Variants in TANGO6 observed in about 807,000 individuals in gnomAD.
TANGO6 encodes transport and golgi organization 6 homolog, also known as transport and Golgi organization protein 6 homolog.
A neutral mutation model predicts 114.2 loss-of-function variants in TANGO6; 90 were observed. The ratio of observed to expected loss-of-function variants is 0.79; its 90% CI spans 0.66 to 0.94. The LOEUF is 0.94. Ranked by LOEUF, TANGO6 falls within the 40% of genes least tolerant of loss-of-function variation. TANGO6 has a pLI of 0.00. For synonymous variants in TANGO6, 477 were observed against 509.8 expected, an observed-to-expected ratio of 0.94 and a Z score of 0.87; for missense variants, 1,274 against 1,315.3, an observed-to-expected ratio of 0.97 and a Z score of 0.49.
chr16:69,063,662 A>AC (rs1336430485), intron 17 of TANGO6, among the ~76,000 whole-genome samples: 1 of 149,218 alleles, frequency 6.7e-6, no homozygotes, highest in Non-Finnish European at 1.5e-5. Context: ...AAAAAAAAAA[A>AC]AAAAAAAACA....
intron 17 of TANGO6, among the ~76,000 whole-genome samples, chr16:69,062,154 G>A (rs1310581004): frequency 1.3e-5 from 2 of 152,128 alleles, no homozygotes; most frequent in African/African-American, 4.8e-5. Context: ...TAATTTGTGG[G>A]TCAAAACTTA....
At chr16:68,965,173 T>C (rs577552283) in intron 14 of TANGO6, among the ~76,000 whole-genome samples, 2 of 152,192 alleles carry the variant, frequency 1.3e-5, no homozygotes, top group East Asian at 3.9e-4. Flanking sequence ...TTTTTTTTAT[T>C]TTTTGAGATG....
intron 17 of TANGO6, among the ~76,000 whole-genome samples, chr16:69,074,243 C>G (rs1475959688): frequency 2.0e-5 from 3 of 151,716 alleles, no homozygotes; most frequent in East Asian, 3.9e-4. Flanking sequence ...ATAACAACAA[C>G]AAGAAGAAAG....
At chr16:68,896,222 G>C (rs1238129498) in intron 7 of TANGO6, among the ~76,000 whole-genome samples, 1 of 152,146 alleles carries the variant, frequency 6.6e-6, no homozygotes, top group African/African-American at 2.4e-5. Flanking sequence ...GGCCAGGCTG[G>C]TCTCAAACTC....
Position 69,083,654 on chromosome 16 carries a change from T to C in TANGO6, c.3278T>C (p.Leu1093Pro), listed in dbSNP as rs1960499319. 2 of 1,558,442 alleles carry C rather than the reference T, an allele frequency of 1.3e-6. No homozygotes were observed. Among genetic ancestry groups the C allele is most frequent in the East Asian group, 2.4e-5 (1 of 41,510 alleles). ...PQKLEKKIMV[L>P]P Reference sequence around the variant, plus strand: ...AAGCTGGAGAAGAAGATCATGGTCCTGCCGTAGACCTGGCTCCAAGGACGT... The same window carrying C: ...AAGCTGGAGAAGAAGATCATGGTCCCGCCGTAGACCTGGCTCCAAGGACGT... Residue 1093 changes from leucine (L) to proline (P), a missense_variant, in exon 18 of 18, where the codon CTG (leucine) becomes CCG (proline). Physicochemically the swap from Leu to Pro is moderately conservative, Grantham distance 98 (BLOSUM62 -3). Around this residue, in one of 5 missense-constraint regions of TANGO6, gnomAD observed 238 missense variants for 252.9 expected, o/e 0.94. Transcript: ENST00000261778.
At chr16:69,053,207 A>G (rs1959980934) in intron 17 of TANGO6, among the ~76,000 whole-genome samples, 1 of 152,150 alleles carries the variant, frequency 6.6e-6, no homozygotes, top group Admixed American at 6.6e-5. Flanking sequence ...TAAAAGCTCA[A>G]TATGTATTCA....
Position 68,907,439 on chromosome 16 carries a change from G to A in TANGO6, c.1668-4G>A. ...ACCAAGATAAATTTTACCCTGCATT[G>A]CAGTGATGAAGATGAAGATGAAGCC... On this transcript the variant is annotated splice_region_variant and splice_polypyrimidine_tract_variant and intron_variant, in intron 9 of 17. Coordinates refer to ENST00000261778, the MANE Select transcript of TANGO6 (RefSeq NM_024562.2). 1 of 1,591,416 alleles carries A rather than the reference G, an allele frequency of 6.3e-7. No homozygotes were observed. The highest frequency in any genetic ancestry group is 8.5e-7 in the Non-Finnish European group (1 of 1,172,938).
chr16:68,930,778 G>A (rs1327576466), intron 14 of TANGO6, among the ~76,000 whole-genome samples: 2 of 151,774 alleles, frequency 1.3e-5, no homozygotes, highest in Non-Finnish European at 2.9e-5. Context: ...TGGGATTACA[G>A]GTGCCCGCCA....
chr16:68,918,996 G>T, intron 11 of TANGO6, 89 bp from the exon 12 acceptor site: 1 of 1,441,212 alleles, frequency 6.9e-7, no homozygotes, highest in South Asian at 1.4e-5. Flanking sequence ...TGTAGATGAA[G>T]AAGATGAGGA....
At chr16:68,891,224 G>A (rs1354904544) in intron 7 of TANGO6, among the ~76,000 whole-genome samples, 2 of 151,264 alleles carry the variant, frequency 1.3e-5, no homozygotes, top group Admixed American at 6.6e-5. Flanking sequence ...CCTGGGAGGC[G>A]GAGGTTGCAG....
chr16:68,879,917 A>G (rs185481812), intron 6 of TANGO6, among the ~76,000 whole-genome samples: 35 of 151,192 alleles, frequency 2.3e-4, no homozygotes, highest in Non-Finnish European at 4.9e-4. Context: ...CACCTGGCCA[A>G]CTCTGCCATT....
chr16:68,968,564 C>T (rs1287875007), intron 14 of TANGO6, among the ~76,000 whole-genome samples: 2 of 151,608 alleles, frequency 1.3e-5, no homozygotes, highest in South Asian at 2.1e-4. Context: ...GGGGTTTCAC[C>T]ATGTTGGTCA....
intron 11 of TANGO6, among the ~76,000 whole-genome samples, chr16:68,911,000 C>A (rs1161867703): frequency 6.6e-6 from 1 of 152,040 alleles, no homozygotes; most frequent in Non-Finnish European, 1.5e-5. Flanking sequence ...TGTTTTGAAA[C>A]ACACACATAT....
intron 12 of TANGO6, 74 bp from the exon 13 acceptor site, chr16:68,927,494 G>A (rs889490877): frequency 3.6e-5 from 54 of 1,512,660 alleles, no homozygotes; most frequent in South Asian, 1.5e-4. Context: ...CTCAGAATAT[G>A]TTTCCTGGTG....
chr16:68,885,248 C>CT (rs1333751551), intron 7 of TANGO6, among the ~76,000 whole-genome samples: 1 of 152,116 alleles, frequency 6.6e-6, no homozygotes, highest in Non-Finnish European at 1.5e-5. Context: ...ATTTCCAGCT[C>CT]TTTTTTTCTC....
At chr16:68,944,229 G>T (rs2152202950) in intron 14 of TANGO6, among the ~76,000 whole-genome samples, 1 of 152,294 alleles carries the variant, frequency 6.6e-6, no homozygotes, top group Non-Finnish European at 1.5e-5. Flanking sequence ...GAGCCCATTT[G>T]TAATTAAACT....
At chr16:68,978,008 T>TTTC (rs959337204) in intron 15 of TANGO6, among the ~76,000 whole-genome samples, 1 of 152,088 alleles carries the variant, frequency 6.6e-6, no homozygotes, top group African/African-American at 2.4e-5. Context: ...TAAAAATACA[T>TTTC]TTTTTTCTAA....
intron 15 of TANGO6, among the ~76,000 whole-genome samples, chr16:69,003,041 C>CA (rs777168583): frequency 8.2e-4 from 115 of 139,894 alleles, no homozygotes; most frequent in Middle Eastern, 7.2e-3. Context: ...GACTCCATCT[C>CA]AAAAAAAAAA....
intron 4 of TANGO6, among the ~76,000 whole-genome samples, chr16:68,868,559 G>A (rs1290854608): frequency 4.1e-5 from 6 of 145,690 alleles, no homozygotes; most frequent in East Asian, 4.0e-4. Context: ...GCGCAGTGGC[G>A]TGATCTTGGC....
Sources: gnomAD v4.1 joint callset for allele counts (sites outside exome capture counted in the v4.1 genomes callset) on GRCh38, gnomAD v4.1.1 for gene constraint, gnomAD v4.1.1 regional missense constraint, MANE v1.5 for transcripts, NCBI Gene and HGNC (gene_info 2026-07-23, HGNC 2026-07-21) for gene names.